CREB3L2: variants seen among roughly 807,000 people sequenced by gnomAD.
CREB3L2 encodes cyclic AMP-responsive element-binding protein 3-like protein 2.
Under a neutral mutation model 57.2 loss-of-function variants are expected in CREB3L2, and 23 were observed. The observed-to-expected ratio is 0.40, with a 90% CI of 0.29 to 0.57. CREB3L2 has a LOEUF of 0.57. Ranked by LOEUF, CREB3L2 falls within the 20% of genes least tolerant of loss-of-function variation. CREB3L2 has a pLI of 0.42. For missense variants in CREB3L2, 628 were observed against 634.7 expected (o/e 0.99, Z 0.11); for synonymous variants, 268 against 265.1 (o/e 1.01, Z -0.11).
rs1258924229 is a variant in CREB3L2, at chr7:137,878,653, C to T, written c.*1823G>A. ...CAGGGCTGCCAGGACTACGGGGGCC[C>T]GATCCAGCTTCCACTCACAGTGAGA... is the stretch of plus-strand genomic sequence containing the variant. On this transcript the variant is annotated 3_prime_UTR_variant, in exon 12 of 12. Coordinates refer to ENST00000330387, the MANE Select transcript of CREB3L2 (RefSeq NM_194071.4). 9 of 233,950 alleles carry T rather than the reference C, an allele frequency of 3.8e-5. No individual in the cohort carries two copies. Among genetic ancestry groups the T allele is most frequent in the Middle Eastern group, 1.3e-3 (1 of 790 alleles). 14.5% of individuals were successfully genotyped at this position (233,950 alleles called of 1,614,324 possible).
At chr7:137,971,445 G>A (rs910638964) in intron 1 of CREB3L2, among the ~76,000 whole-genome samples, 44 of 124,590 alleles carry the variant, frequency 3.5e-4, no homozygotes, top group African/African-American at 9.2e-4. Context: ...GCGAGACTCC[G>A]TCTCAAAAAA....
Position 137,879,578 on chromosome 7 carries a change from A to AT in CREB3L2, c.*897_*898insA, listed in dbSNP as rs1439727594. 4.0e-6 allele frequency: 1 copy of AT among 247,012 alleles called. No individual in the cohort carries two copies. Among genetic ancestry groups the AT allele is most frequent in the Non-Finnish European group, 7.9e-6 (1 of 126,816 alleles). 15.3% of individuals were successfully genotyped at this position (247,012 alleles called of 1,614,324 possible). A position where few individuals can be genotyped will look rare whatever the true frequency, so the allele number is the denominator to read the frequency against. On this transcript the variant is annotated 3_prime_UTR_variant, in exon 12 of 12. Transcript: ENST00000330387. ...AATGGTAATTATTCCAGTTAAAAGA[A>AT]AAAACAAAGGAAAGGAAACAAAACA...
Position 137,877,344 on chromosome 7 carries a change from CA to C in CREB3L2, c.*3131del. On this transcript the variant is annotated 3_prime_UTR_variant, in exon 12 of 12. Coordinates refer to ENST00000330387, the MANE Select transcript of CREB3L2 (RefSeq NM_194071.4). ...GTCAAATCTCATCCCCACTCCCTGCCAAAAAAGAGCAACCTAGTTCAGCTGT... is the reference window on the plus strand; with the variant it reads ...GTCAAATCTCATCCCCACTCCCTGCCAAAAAGAGCAACCTAGTTCAGCTGT... 8.8e-6 allele frequency: 2 copies of C among 227,504 alleles called. No homozygotes were observed. Among genetic ancestry groups the C allele is most frequent in the Non-Finnish European group, 1.7e-5 (2 of 114,386 alleles). The allele number at this position is 227,504 out of a possible 1,614,324, so 14.1% of individuals were successfully genotyped here. A position where few individuals can be genotyped will look rare whatever the true frequency, so the allele number is the denominator to read the frequency against.
rs776988668 is a variant in CREB3L2 at position 137,912,890 on chromosome 7, T to C, written c.583+101A>G. 25 of 1,560,464 alleles carry C rather than the reference T, an allele frequency of 1.6e-5. No homozygotes were observed. The African/African-American group carries it at 2.9e-4, about 18-fold the overall frequency. The stretch of plus-strand genomic sequence containing the variant: ...CTATTTCATAAAGCCAGCTACAACA[T>C]CTGTGGTACAAACTCATCCCAGCTC... On this transcript the variant is annotated intron_variant, in intron 4 of 11. Transcript: ENST00000330387.
At chr7:137,998,753 A>G (rs968321303) in intron 1 of CREB3L2, among the ~76,000 whole-genome samples, 4 of 152,266 alleles carry the variant, frequency 2.6e-5, no homozygotes, top group African/African-American at 7.2e-5. Flanking sequence ...CAGCTACGTA[A>G]TTTGTGAAAC....
At chr7:137,886,392 G>C (rs1300902822) in intron 8 of CREB3L2, among the ~76,000 whole-genome samples, 1 of 151,440 alleles carries the variant, frequency 6.6e-6, no homozygotes, top group Non-Finnish European at 1.5e-5. Flanking sequence ...CAGGTTAGAA[G>C]AGAGAGAGAA....
At chr7:137,954,444 C>T (rs1185703948) in intron 1 of CREB3L2, among the ~76,000 whole-genome samples, 1 of 152,128 alleles carries the variant, frequency 6.6e-6, no homozygotes, top group Non-Finnish European at 1.5e-5. Context: ...TGTTTGCTCC[C>T]TGTTCTAACT....
intron 8 of CREB3L2, among the ~76,000 whole-genome samples, chr7:137,898,110 G>A (rs528296410): frequency 6.6e-6 from 1 of 152,282 alleles, no homozygotes; most frequent in South Asian, 2.1e-4. Context: ...AATCTGAATA[G>A]ACATGTCTCT....
chr7:137,884,602 A>G, intron 10 of CREB3L2: 1 of 479,690 alleles, frequency 2.1e-6, no homozygotes, highest in Non-Finnish European at 3.8e-6. Flanking sequence ...TATACATTGC[A>G]TTACATTACT....
intron 1 of CREB3L2, among the ~76,000 whole-genome samples, chr7:137,947,435 G>C (rs888211891): frequency 1.3e-5 from 2 of 152,170 alleles, no homozygotes; most frequent in Non-Finnish European, 2.9e-5. Context: ...AAGAGAAACA[G>C]GAGAGCTGGA....
chr7:137,906,501 G>T (rs1799894571), intron 5 of CREB3L2, among the ~76,000 whole-genome samples: 1 of 152,188 alleles, frequency 6.6e-6, no homozygotes, highest in Admixed American at 6.5e-5. Flanking sequence ...CATACTAAAT[G>T]CCATGGAGGA....
intron 1 of CREB3L2, among the ~76,000 whole-genome samples, chr7:137,952,541 T>C (rs1801122390): frequency 6.6e-6 from 1 of 152,226 alleles, no homozygotes; most frequent in African/African-American, 2.4e-5. Context: ...TACTGATTTA[T>C]CTGTTCCAGT....
rs1213771610 is a variant in CREB3L2, at chr7:137,878,286, T to G, written c.*2190A>C. The G allele has an allele frequency of 4.3e-6, 1 of 232,860 alleles. No individual in the cohort carries two copies. The highest frequency in any genetic ancestry group is 8.5e-6 in the Non-Finnish European group (1 of 117,874). 14.4% of individuals were successfully genotyped at this position (232,860 alleles called of 1,614,324 possible). ...CCTTGAAAACCCAGTCTGGTTCAGT[T>G]GCAGCAGGTACATGGGTTGGCTCAT... On this transcript the variant is annotated 3_prime_UTR_variant, in exon 12 of 12. Coordinates refer to ENST00000330387, the MANE Select transcript of CREB3L2 (RefSeq NM_194071.4).
At chr7:137,992,346 T>C (rs1175952318) in intron 1 of CREB3L2, among the ~76,000 whole-genome samples, 1 of 152,110 alleles carries the variant, frequency 6.6e-6, no homozygotes. Context: ...ACACGGACTG[T>C]AGAAGCAGCT....
intron 2 of CREB3L2, among the ~76,000 whole-genome samples, chr7:137,923,349 C>T (rs182587614): frequency 1.3e-5 from 2 of 152,194 alleles, no homozygotes; most frequent in East Asian, 3.9e-4. Flanking sequence ...ACCAAAAAAG[C>T]GGAGGAATAG....
intron 8 of CREB3L2, among the ~76,000 whole-genome samples, chr7:137,900,756 A>T (rs867572210): frequency 1.3e-5 from 2 of 152,110 alleles, no homozygotes; most frequent in African/African-American, 2.4e-5. Flanking sequence ...GTGAGCCGAT[A>T]TCATGCCACT....
Position 138,001,447 on chromosome 7 carries a change from G to A in CREB3L2, c.102+157C>T, listed in dbSNP as rs1285921221. Among the ~76,000 whole-genome samples, 3 of 152,244 alleles carry A rather than the reference G, an allele frequency of 2.0e-5. No homozygotes were observed. Among genetic ancestry groups the A allele is most frequent in the African/African-American group, 7.2e-5 (3 of 41,460 alleles). On this transcript the variant is annotated intron_variant, in intron 1 of 11. Coordinates refer to ENST00000330387, the MANE Select transcript of CREB3L2 (RefSeq NM_194071.4). The surrounding 1 kb of genome is among the most constrained non-coding windows in gnomAD (Gnocchi z 4.2). ...AGGGGCCAGCTGCCCGCCTTCATCT[G>A]CTCAGACATTAAAGTACACCTCGCC...
chr7:137,917,829 A>C (rs574571569), intron 2 of CREB3L2, among the ~76,000 whole-genome samples: 57 of 152,214 alleles, frequency 3.7e-4, no homozygotes, highest in African/African-American at 1.3e-3. Context: ...AGGTGGTGGA[A>C]GATGTTTTGC....
chr7:137,897,941 C>A (rs1368309814), intron 8 of CREB3L2, among the ~76,000 whole-genome samples: 1 of 151,872 alleles, frequency 6.6e-6, no homozygotes, highest in Admixed American at 6.6e-5. Flanking sequence ...AGCTTCTGCA[C>A]AACAACAACA....
Sources: allele counts gnomAD v4.1 joint callset (sites outside exome capture counted in the v4.1 genomes callset), GRCh38; gene constraint gnomAD v4.1.1; non-coding constraint Gnocchi (gnomAD v3.1); transcripts MANE v1.5; gene names NCBI Gene and HGNC (gene_info 2026-07-23, HGNC 2026-07-21).